The following HDAC8 variants were observed in gnomAD, a reference collection of about 807,000 sequenced individuals.
The protein encoded by HDAC8 is histone deacetylase 8, also known as histone deacetylase-like 1.
A neutral mutation model predicts 32.2 loss-of-function variants in HDAC8; 1 was observed. The observed-to-expected ratio is 0.03, with a 90% CI of 0.01 to 0.15. The LOEUF (loss-of-function observed/expected upper bound fraction) is 0.15, where lower values mean the gene tolerates loss of function less well. Among genes scored for constraint, HDAC8 ranks in the 10% least tolerant of loss-of-function variants. The probability of loss-of-function intolerance (pLI) is 1.00; values close to 1 mark genes in which losing one functional copy is unlikely to be tolerated. For missense variants in HDAC8, 117 were observed against 300.0 expected (o/e 0.39, Z 4.51); for synonymous variants, 108 against 113.9 (o/e 0.95, Z 0.33).
chrX:72,572,596 A>AGCGGCCCC, intron 1 of HDAC8, 55 bp downstream of exon 1: 2 of 316,321 alleles, frequency 6.3e-6, no homozygotes, highest in Non-Finnish European at 1.1e-5. Flanking sequence ...TCTTTCGTCC[A>AGCGGCCCC]CCGCCCCCAC....
At chrX:72,331,475 A>C (rs2043521853) in intron 10 of HDAC8, among the ~76,000 whole-genome samples, 2 of 111,700 alleles carry the variant, frequency 1.8e-5, no homozygotes, top group African/African-American at 6.5e-5. Context: ...AAATGCAATC[A>C]AACAGTCTGT....
chrX:72,539,471 A>G (rs2050636091), intron 4 of HDAC8, among the ~76,000 whole-genome samples: 1 of 107,532 alleles, frequency 9.3e-6, no homozygotes, highest in Non-Finnish European at 1.9e-5. Context: ...CGATCTCTTG[A>G]CCTCGTGATC....
At chrX:72,451,507 G>A (rs2047570597) in intron 9 of HDAC8, among the ~76,000 whole-genome samples, 1 of 112,100 alleles carries the variant, frequency 8.9e-6, no homozygotes, top group African/African-American at 3.2e-5. Flanking sequence ...CACAGTAAAG[G>A]TTTGAATACC....
At chrX:72,453,169 G>A (rs190816596) in intron 9 of HDAC8, among the ~76,000 whole-genome samples, 4 of 108,808 alleles carry the variant, frequency 3.7e-5, no homozygotes, top group Admixed American at 3.0e-4. Context: ...AAAATAGGCC[G>A]GGCATGGTGG....
intron 9 of HDAC8, among the ~76,000 whole-genome samples, chrX:72,418,731 T>C (rs1455933668): frequency 3.6e-5 from 4 of 111,589 alleles, no homozygotes; most frequent in African/African-American, 1.3e-4. Context: ...GACACATGCA[T>C]TCATTGTTTT....
intron 4 of HDAC8, among the ~76,000 whole-genome samples, chrX:72,567,386 G>A (rs181989659): frequency 1.4e-3 from 159 of 111,949 alleles, no homozygotes; most frequent in African/African-American, 4.9e-3. Flanking sequence ...TTAAGAACTA[G>A]CTCTAAAATT....
intron 9 of HDAC8, among the ~76,000 whole-genome samples, chrX:72,431,090 T>C (rs1269007940): frequency 3.6e-5 from 4 of 111,235 alleles, no homozygotes; most frequent in Non-Finnish European, 7.5e-5. Flanking sequence ...TCTCCCTGTT[T>C]GTCTGCTGTC....
chrX:72,336,827 T>C (rs1423015239), intron 10 of HDAC8, among the ~76,000 whole-genome samples: 2 of 111,012 alleles, frequency 1.8e-5, no homozygotes, highest in African/African-American at 3.3e-5. Context: ...ACAGCTCACT[T>C]CAGTCTTGAC....
intron 9 of HDAC8, among the ~76,000 whole-genome samples, chrX:72,404,941 T>C (rs2045998464): frequency 1.8e-5 from 2 of 111,434 alleles, no homozygotes; most frequent in African/African-American, 3.3e-5. Flanking sequence ...ATGGTTTACT[T>C]TAATATTCTT....
intron 10 of HDAC8, among the ~76,000 whole-genome samples, chrX:72,331,508 TA>T (rs2043522879): frequency 8.9e-6 from 1 of 111,864 alleles, no homozygotes; most frequent in Non-Finnish European, 1.9e-5. Context: ...TAGGCTATTT[TA>T]TTTTTTTACT....
intron 10 of HDAC8, among the ~76,000 whole-genome samples, chrX:72,339,639 A>G (rs782288299): frequency 8.9e-6 from 1 of 112,269 alleles, no homozygotes; most frequent in South Asian, 3.7e-4. Flanking sequence ...GGCCATATCA[A>G]GGCCAGGGCC....
chrX:72,425,124 C>T (rs1425380861), intron 9 of HDAC8, among the ~76,000 whole-genome samples: 4 of 111,729 alleles, frequency 3.6e-5, no homozygotes, highest in African/African-American at 1.3e-4. Flanking sequence ...TGAGGAACTG[C>T]CAACCTATTT....
At chrX:72,527,769 CCT>C (rs2050198782) in intron 4 of HDAC8, among the ~76,000 whole-genome samples, 1 of 106,200 alleles carries the variant, frequency 9.4e-6, no homozygotes, top group Non-Finnish European at 1.9e-5. Flanking sequence ...ACCTTTCTGA[CCT>C]CTTTTTTTTT....
chrX:72,445,750 C>T (rs2047369448), intron 9 of HDAC8, among the ~76,000 whole-genome samples: 1 of 111,566 alleles, frequency 9.0e-6, no homozygotes, highest in South Asian at 3.8e-4. Flanking sequence ...AACAGTCAAC[C>T]TACAAAATGG....
At chrX:72,388,595 T>TACACACACACACACACACAC (rs59374504) in intron 9 of HDAC8, among the ~76,000 whole-genome samples, 1 of 88,385 alleles carries the variant, frequency 1.1e-5, no homozygotes, top group African/African-American at 4.4e-5. Context: ...CCACAGTGAT[T>TACACACACACACACACACAC]ACACACACAC....
chrX:72,502,688 TGA>T (rs782261591), intron 4 of HDAC8, among the ~76,000 whole-genome samples: 1 of 110,607 alleles, frequency 9.0e-6, no homozygotes, highest in South Asian at 3.9e-4. Context: ...TTTGGGAGGC[TGA>T]GGCGGGCGGA....
intron 7 of HDAC8, among the ~76,000 whole-genome samples, chrX:72,487,636 G>C (rs1223561533): frequency 9.2e-6 from 1 of 108,531 alleles, no homozygotes; most frequent in East Asian, 2.9e-4. Context: ...CTTGCTGGAT[G>C]ATGAGTGCTG....
At chrX:72,525,671 G>A (rs964187279) in intron 4 of HDAC8, among the ~76,000 whole-genome samples, 2 of 108,011 alleles carry the variant, frequency 1.9e-5, no homozygotes, top group East Asian at 2.9e-4. Context: ...AAAATTAGCC[G>A]GGCGTTGTGG....
intron 9 of HDAC8, among the ~76,000 whole-genome samples, chrX:72,458,941 A>G (rs963109169): frequency 1.8e-5 from 2 of 110,161 alleles, no homozygotes; most frequent in Non-Finnish European, 1.9e-5. Flanking sequence ...AATCCTTCCT[A>G]CTGTCTCTCA....
Sources: gnomAD v4.1 joint callset for allele counts (sites outside exome capture counted in the v4.1 genomes callset) on GRCh38, gnomAD v4.1.1 for gene constraint, MANE v1.5 for transcripts, NCBI Gene and HGNC (gene_info 2026-07-23, HGNC 2026-07-21) for gene names.